ARHGAP6: variants seen among roughly 807,000 people sequenced by gnomAD.
ARHGAP6 encodes the protein Rho GTPase activating protein 6.
ARHGAP6 carries 16 observed loss-of-function variants against 55.7 expected under a neutral mutation model. That is an observed-to-expected ratio of 0.29 (90% confidence interval 0.19 to 0.44). The LOEUF is 0.44. ARHGAP6 is among the 20% of genes least tolerant of loss of function. The probability of loss-of-function intolerance (pLI) is 1.00; values close to 1 mark genes in which losing one functional copy is unlikely to be tolerated. For missense variants in ARHGAP6, 698 were observed against 808.9 expected (o/e 0.86, Z 1.66); for synonymous variants, 382 against 360.9 (o/e 1.06, Z -0.66).
At chrX:11,474,645 T>C (rs2050384818) in intron 1 of ARHGAP6, among the ~76,000 whole-genome samples, 1 of 111,924 alleles carries the variant, frequency 8.9e-6, no homozygotes, top group Admixed American at 9.5e-5. Context: ...AAGTGTGGCA[T>C]TCTATGGCAT....
At chrX:11,151,546 C>T (rs896373711) in intron 10 of ARHGAP6, among the ~76,000 whole-genome samples, 6 of 111,681 alleles carry the variant, frequency 5.4e-5, no homozygotes, top group African/African-American at 2.0e-4. Context: ...CCTCTGGCAT[C>T]CCGTTTTGGT....
intron 2 of ARHGAP6, among the ~76,000 whole-genome samples, chrX:11,228,381 T>G (rs1334842220): frequency 9.1e-6 from 1 of 110,298 alleles, no homozygotes; most frequent in Non-Finnish European, 1.9e-5. Flanking sequence ...TTTTTAAATT[T>G]GAAATAAATA....
At chrX:11,319,551 T>C (rs1427770992) in intron 1 of ARHGAP6, among the ~76,000 whole-genome samples, 1 of 112,063 alleles carries the variant, frequency 8.9e-6, no homozygotes, top group Non-Finnish European at 1.9e-5. Context: ...ATTACCAAAC[T>C]CTAATTTAAT....
intron 1 of ARHGAP6, among the ~76,000 whole-genome samples, chrX:11,474,660 A>G (rs1448278140): frequency 1.8e-5 from 2 of 111,771 alleles, no homozygotes; most frequent in Non-Finnish European, 3.8e-5. Flanking sequence ...TGGCATGGCT[A>G]TGGTTTGGAT....
chrX:11,204,781 G>A (rs2031584254), intron 2 of ARHGAP6, among the ~76,000 whole-genome samples: 1 of 111,498 alleles, frequency 9.0e-6, no homozygotes, highest in African/African-American at 3.3e-5. Context: ...CTTCCATTTG[G>A]TGGTTAAACC....
intron 1 of ARHGAP6, among the ~76,000 whole-genome samples, chrX:11,532,093 T>C (rs969545251): frequency 8.9e-6 from 1 of 112,530 alleles, no homozygotes; most frequent in African/African-American, 3.2e-5. Flanking sequence ...GAAAGATTTG[T>C]TGAACACACA....
chrX:11,372,203 G>A (rs927442363), intron 1 of ARHGAP6, among the ~76,000 whole-genome samples: 27 of 111,849 alleles, frequency 2.4e-4, no homozygotes, highest in African/African-American at 8.8e-4. Context: ...ATATCTAGAT[G>A]TGTCATTATA....
rs572131840 is a variant in ARHGAP6 at position 11,439,708 on chromosome X, A to T, written c.589-185001T>A. 1.7e-4 allele frequency among the ~76,000 whole-genome samples: 19 copies of T among 112,582 alleles called. No individual in the cohort carries two copies. In the South Asian group the frequency reaches 7.0e-3, roughly 42 times the overall value. On this transcript the variant is annotated intron_variant, in intron 1 of 12. Coordinates refer to ENST00000337414, the MANE Select transcript of ARHGAP6 (RefSeq NM_013427.3). ...AAGAGAAACCAGACTGCTTAGATCAAGAGGACTTCCAAATTGGATGCTACT... is the reference window on the plus strand; with the variant it reads ...AAGAGAAACCAGACTGCTTAGATCATGAGGACTTCCAAATTGGATGCTACT...
intron 1 of ARHGAP6, among the ~76,000 whole-genome samples, chrX:11,505,251 G>T (rs1043098435): frequency 9.0e-6 from 1 of 110,998 alleles, no homozygotes; most frequent in African/African-American, 3.3e-5. Flanking sequence ...GCACAGATTC[G>T]TGAACTTGAG....
At chrX:11,601,626 A>G (rs1473574830) in intron 1 of ARHGAP6, among the ~76,000 whole-genome samples, 1 of 112,445 alleles carries the variant, frequency 8.9e-6, no homozygotes, top group Non-Finnish European at 1.9e-5. Flanking sequence ...TCCGTGCTGA[A>G]GACAAATATT....
chrX:11,364,232 C>G (rs896112351), intron 1 of ARHGAP6, among the ~76,000 whole-genome samples: 1 of 109,563 alleles, frequency 9.1e-6, no homozygotes, highest in Non-Finnish European at 1.9e-5. Context: ...GAGTGAGGAT[C>G]GAAAAACTAC....
intron 1 of ARHGAP6, among the ~76,000 whole-genome samples, chrX:11,515,653 A>G (rs1252893379): frequency 8.9e-6 from 1 of 112,341 alleles, no homozygotes; most frequent in Admixed American, 9.5e-5. Context: ...CTTCTAAAAC[A>G]TATTTTTTAT....
chrX:11,350,014 G>C (rs1220465789), intron 1 of ARHGAP6, among the ~76,000 whole-genome samples: 1 of 111,693 alleles, frequency 9.0e-6, no homozygotes, highest in Non-Finnish European at 1.9e-5. Context: ...GTGGTTGTGA[G>C]GGTAAAATAA....
chrX:11,652,002 T>C (rs753400734), intron 1 of ARHGAP6, among the ~76,000 whole-genome samples: 23 of 112,423 alleles, frequency 2.0e-4, no homozygotes, highest in African/African-American at 7.1e-4. Context: ...ATCTTGTAAA[T>C]GTGTTTAAGT....
At chrX:11,376,145 T>A (rs1351857758) in intron 1 of ARHGAP6, among the ~76,000 whole-genome samples, 1 of 111,653 alleles carries the variant, frequency 9.0e-6, no homozygotes, top group Admixed American at 9.4e-5. Flanking sequence ...CACAGTGAGA[T>A]GCGATAAGGA....
intron 1 of ARHGAP6, among the ~76,000 whole-genome samples, chrX:11,348,784 G>A (rs1279021918): frequency 1.8e-5 from 2 of 110,787 alleles, no homozygotes; most frequent in Non-Finnish European, 3.8e-5. Flanking sequence ...CAAACTGCTA[G>A]GACTCCAGGT....
At chrX:11,298,785 C>T in intron 1 of ARHGAP6, 1 of 1,211,116 alleles carries the variant, frequency 8.3e-7, no homozygotes, top group African/African-American at 1.7e-5. Flanking sequence ...GCAGCCCTAC[C>T]AGCCCCAGCC....
intron 1 of ARHGAP6, among the ~76,000 whole-genome samples, chrX:11,493,758 A>C (rs1230945890): frequency 9.0e-6 from 1 of 111,311 alleles, no homozygotes; most frequent in Non-Finnish European, 1.9e-5. Context: ...ACATTCAAGC[A>C]TCAAAATATT....
chrX:11,358,912 T>G (rs1405928108), intron 1 of ARHGAP6, among the ~76,000 whole-genome samples: 2 of 112,315 alleles, frequency 1.8e-5, no homozygotes, highest in African/African-American at 6.5e-5. Flanking sequence ...TTATTCCATT[T>G]TATCTTCATA....
Sources: allele counts gnomAD v4.1 joint callset (sites outside exome capture counted in the v4.1 genomes callset), GRCh38; gene constraint gnomAD v4.1.1; transcripts MANE v1.5; gene names NCBI Gene and HGNC (gene_info 2026-07-23, HGNC 2026-07-21).